ATP11B: variants seen among roughly 807,000 people sequenced by gnomAD.
The protein encoded by ATP11B is phospholipid-transporting ATPase IF.
Under a neutral mutation model 157.8 loss-of-function variants are expected in ATP11B, and 81 were observed. The observed-to-expected ratio is 0.51, with a 90% CI of 0.43 to 0.62. ATP11B has a LOEUF of 0.62. ATP11B is among the 20% of genes least tolerant of loss of function. ATP11B has a pLI of 0.00. For missense variants in ATP11B, 1,165 were observed against 1,402.2 expected (o/e 0.83, Z 2.70); for synonymous variants, 451 against 469.4 (o/e 0.96, Z 0.51).
At position 182,879,587 on chromosome 3, in the gene ATP11B, G is replaced by C. The variant is rs765037114; in HGVS notation, c.2344G>C (p.Glu782Gln). ...CAGGGAGCATGAAAAACTATTTATG[G>C]AAGTTTGCAGAAATTGTTCAGCTGT... ...ALREHEKLFM[E>Q]VCRNCSAVLC... Residue 782 changes from glutamate to glutamine, a missense_variant, in exon 20 of 30, where the codon GAA (glutamate) becomes CAA (glutamine). Glu to Gln is a conservative substitution (Grantham distance 29). This residue lies in a region of ATP11B where 737 missense variants were observed against 930.5 expected (regional missense o/e 0.79). Coordinates refer to ENST00000323116, the MANE Select transcript of ATP11B (RefSeq NM_014616.3). The C allele has an allele frequency of 6.2e-7, 1 of 1,614,126 alleles. No individual in the cohort carries two copies. Among genetic ancestry groups the C allele is most frequent in the Non-Finnish European group, 8.5e-7 (1 of 1,179,984 alleles).
chr3:182,806,374 G>A (rs1389878041), intron 1 of ATP11B, among the ~76,000 whole-genome samples: 2 of 152,122 alleles, frequency 1.3e-5, no homozygotes, highest in Non-Finnish European at 2.9e-5. Flanking sequence ...GCATTTGCGT[G>A]TGCTTTCAAT....
intron 3 of ATP11B, among the ~76,000 whole-genome samples, chr3:182,828,786 T>G (rs1005552069): frequency 3.3e-5 from 5 of 151,866 alleles, no homozygotes; most frequent in Non-Finnish European, 7.4e-5. Context: ...AAAAATTATA[T>G]ATGTATATAA....
intron 8 of ATP11B, among the ~76,000 whole-genome samples, chr3:182,844,821 A>G (rs561788839): frequency 6.6e-6 from 1 of 152,042 alleles, no homozygotes; most frequent in Non-Finnish European, 1.5e-5. Flanking sequence ...CACATTTTTA[A>G]ATCGCTGCTT....
At chr3:182,808,680 A>G (rs1004651894) in intron 1 of ATP11B, among the ~76,000 whole-genome samples, 4 of 152,166 alleles carry the variant, frequency 2.6e-5, no homozygotes, top group Non-Finnish European at 5.9e-5. Flanking sequence ...GTGTGTTTGC[A>G]TAAATTTATA....
chr3:182,861,023 A>C (rs1383093415), intron 12 of ATP11B, among the ~76,000 whole-genome samples: 1 of 151,888 alleles, frequency 6.6e-6, no homozygotes, highest in East Asian at 1.9e-4. Flanking sequence ...CACAGGGTTT[A>C]TGAGAGAATG....
intron 1 of ATP11B, among the ~76,000 whole-genome samples, chr3:182,806,383 AT>A (rs1462767230): frequency 3.3e-5 from 5 of 152,154 alleles, no homozygotes; most frequent in Non-Finnish European, 7.4e-5. Context: ...TGTGCTTTCA[AT>A]CTGAAGACTA....
chr3:182,891,589 C>T (rs559671118), intron 25 of ATP11B, among the ~76,000 whole-genome samples: 33 of 151,960 alleles, frequency 2.2e-4, no homozygotes, highest in Non-Finnish European at 4.6e-4. Flanking sequence ...TGTAAGTATT[C>T]CCTTAATTTG....
At chr3:182,912,471 T>G (rs1237251403) in intron 28 of ATP11B, among the ~76,000 whole-genome samples, 1 of 152,100 alleles carries the variant, frequency 6.6e-6, no homozygotes, top group Non-Finnish European at 1.5e-5. Flanking sequence ...ATGAAATGTC[T>G]GTAAATATCT....
At chr3:182,900,795 C>T (rs1421570135) in intron 28 of ATP11B, among the ~76,000 whole-genome samples, 1 of 152,054 alleles carries the variant, frequency 6.6e-6, no homozygotes, top group Non-Finnish European at 1.5e-5. Context: ...CCTGTAATTC[C>T]AGCACTTTGG....
chr3:182,892,637 G>A (rs371739646), intron 25 of ATP11B, among the ~76,000 whole-genome samples: 1 of 152,114 alleles, frequency 6.6e-6, no homozygotes, highest in African/African-American at 2.4e-5. Flanking sequence ...TACTTTTGAA[G>A]TATTCACTAA....
intron 10 of ATP11B, among the ~76,000 whole-genome samples, chr3:182,855,928 T>C (rs1577028596): frequency 3.6e-5 from 3 of 83,698 alleles, no homozygotes; most frequent in African/African-American, 8.8e-5. Context: ...TTATATGTTG[T>C]TGGTGGGAAT....
chr3:182,796,887 A>G (rs1715642774), intron 1 of ATP11B, among the ~76,000 whole-genome samples: 1 of 152,254 alleles, frequency 6.6e-6, no homozygotes, highest in Non-Finnish European at 1.5e-5. Flanking sequence ...CAGTATTACT[A>G]GGATAACTGT....
At chr3:182,834,320 C>T (rs1718375970) in intron 4 of ATP11B, among the ~76,000 whole-genome samples, 2 of 152,022 alleles carry the variant, frequency 1.3e-5, no homozygotes, top group Non-Finnish European at 2.9e-5. Context: ...TCATATTTTG[C>T]TTTTTATTTT....
rs1725247582 is a variant in ATP11B at position 182,918,005 on chromosome 3, C to G, written c.3453-18C>G. 2 of 1,610,882 alleles carry G rather than the reference C, an allele frequency of 1.2e-6. No individual in the cohort carries two copies. Among genetic ancestry groups the G allele is most frequent in the African/African-American group, 1.3e-5 (1 of 74,888 alleles). On this transcript the variant is annotated intron_variant, in intron 29 of 29. Transcript: ENST00000323116. ...ATAGGTCCTGGTGAGCCAAACTTTT[C>G]TCTTATTGTTACTTTAGATCATGGA...
At position 182,889,366 on chromosome 3, in the gene ATP11B, A is replaced by G. The variant is rs567617824; in HGVS notation, c.2844-44A>G. 188 of 1,379,932 alleles carry G rather than the reference A, an allele frequency of 1.4e-4. No individual in the cohort carries two copies. The South Asian group carries it at 2.3e-3, about 17-fold the overall frequency. The allele number at this position is 1,379,932 out of a possible 1,614,324, so 85.5% of individuals were successfully genotyped here. ...ATATTAATTGTTTAGTGGGCAAATAATAAATGATCCCTAATATGTTTCTTT... is the reference window on the plus strand; with the variant it reads ...ATATTAATTGTTTAGTGGGCAAATAGTAAATGATCCCTAATATGTTTCTTT... On this transcript the variant is annotated intron_variant, in intron 24 of 29. Coordinates refer to ENST00000323116, the MANE Select transcript of ATP11B (RefSeq NM_014616.3).
rs1423253185 is a variant in ATP11B, at chr3:182,793,635, G to T, written c.-125G>T. ...GCGGCGCGGGGAGTGAGGCAGTGGC[G>T]GCGGCGGCGGTAAGCGGAACTTCGG... On this transcript the variant is annotated 5_prime_UTR_variant, in exon 1 of 30. Transcript: ENST00000323116. 3 of 502,600 alleles carry T rather than the reference G, an allele frequency of 6.0e-6. No individual in the cohort carries two copies. Among genetic ancestry groups the T allele is most frequent in the East Asian group, 3.8e-5 (1 of 26,436 alleles). 31.1% of individuals were successfully genotyped at this position (502,600 alleles called of 1,614,324 possible). A position where few individuals can be genotyped will look rare whatever the true frequency, so the allele number is the denominator to read the frequency against.
chr3:182,834,070 A>G (rs1427576980), intron 4 of ATP11B, among the ~76,000 whole-genome samples: 1 of 152,246 alleles, frequency 6.6e-6, no homozygotes, highest in East Asian at 1.9e-4. Context: ...AGGATGGATT[A>G]GAATTTATGA....
intron 28 of ATP11B, among the ~76,000 whole-genome samples, chr3:182,903,846 A>T (rs1271927443): frequency 1.3e-5 from 2 of 152,246 alleles, no homozygotes; most frequent in Non-Finnish European, 2.9e-5. Flanking sequence ...CTGTTTTGTC[A>T]TATAAATATA....
chr3:182,911,242 T>C (rs1048380463), intron 28 of ATP11B, among the ~76,000 whole-genome samples: 1 of 127,508 alleles, frequency 7.8e-6, no homozygotes, highest in Non-Finnish European at 1.6e-5. Context: ...CTGGAATATC[T>C]TTTCCCCCCC....
Sources: allele counts gnomAD v4.1 joint callset (sites outside exome capture counted in the v4.1 genomes callset), GRCh38; gene constraint gnomAD v4.1.1; regional missense constraint gnomAD v4.1.1; transcripts MANE v1.5; gene names NCBI Gene and HGNC (gene_info 2026-07-23, HGNC 2026-07-21).